Variants in ARMC9 observed in about 807,000 individuals in gnomAD.
The protein encoded by ARMC9 is armadillo repeat containing 9, also known as lisH domain-containing protein ARMC9.
Under a neutral mutation model 107.0 loss-of-function variants are expected in ARMC9, and 94 were observed. The ratio of observed to expected loss-of-function variants is 0.88; its 90% confidence interval spans 0.74 to 1.04. ARMC9 has a LOEUF of 1.04. ARMC9 is among the 50% of genes least tolerant of loss of function. ARMC9 has a pLI of 0.00. For synonymous variants in ARMC9, 380 were observed against 396.9 expected (o/e 0.96, Z 0.51); for missense variants, 942 against 1,030.1 (o/e 0.91, Z 1.17).
intron 1 of ARMC9, among the ~76,000 whole-genome samples, chr2:231,203,433 C>T (rs575910831): frequency 5.9e-5 from 9 of 152,312 alleles, no homozygotes; most frequent in Middle Eastern, 3.4e-3. Context: ...CATGGCCCCT[C>T]TTGCTTATCC....
chr2:231,236,188 G>A (rs1190226053), intron 8 of ARMC9, among the ~76,000 whole-genome samples: 1 of 152,186 alleles, frequency 6.6e-6, no homozygotes. Context: ...ATATAGGGAA[G>A]CCACTGATTT....
chr2:231,351,195 C>T (rs1323025137), intron 21 of ARMC9, among the ~76,000 whole-genome samples: 3 of 148,976 alleles, frequency 2.0e-5, no homozygotes, highest in Non-Finnish European at 3.0e-5. Context: ...CCTCGTGATC[C>T]GCCTGTCTCG....
At chr2:231,200,243 C>G (rs553105803) in intron 1 of ARMC9, among the ~76,000 whole-genome samples, 2 of 152,122 alleles carry the variant, frequency 1.3e-5, no homozygotes, top group African/African-American at 2.4e-5. Flanking sequence ...TCACTTTTCC[C>G]GTTCCAGGGC....
At position 231,296,182 on chromosome 2, in the gene ARMC9, C is replaced by G. The variant is rs1322623414; in HGVS notation, c.1718-16C>G. On this transcript the variant is annotated splice_polypyrimidine_tract_variant and intron_variant, in intron 18 of 24. Transcript: ENST00000611582. The stretch of plus-strand genomic sequence containing the variant: ...ACTGTTTATCCATTATTCATTGATT[C>G]TTTTTTTCTTTATAGAAGAGCTACC... 1.2e-6 allele frequency: 2 copies of G among 1,602,926 alleles called. No individual in the cohort carries two copies. The highest frequency in any genetic ancestry group is 2.2e-5 in the East Asian group (1 of 44,774).
intron 21 of ARMC9, among the ~76,000 whole-genome samples, chr2:231,345,800 G>A (rs190628590): frequency 2.2e-4 from 34 of 152,324 alleles, no homozygotes; most frequent in Middle Eastern, 3.4e-3. Flanking sequence ...TAATGGCCGT[G>A]TAATTTTTAA....
rs1418642783 is a variant in ARMC9 at position 231,225,492 on chromosome 2, AC to A, written c.598-1281del. Among the ~76,000 whole-genome samples the A allele has an allele frequency of 3.3e-5, 5 of 152,382 alleles. No individual in the cohort carries two copies. In the East Asian group the frequency reaches 9.6e-4, roughly 29 times the overall value. ...TATCATCTTATGAATGGATAAACAA[AC>A]TGTGGTGTTATCCAAATGATGGAAT... On this transcript the variant is annotated intron_variant, in intron 6 of 24. Transcript: ENST00000611582.
At chr2:231,262,675 A>G (rs1350712069) in intron 12 of ARMC9, among the ~76,000 whole-genome samples, 3 of 152,136 alleles carry the variant, frequency 2.0e-5, no homozygotes, top group African/African-American at 4.8e-5. Context: ...ACTGCTTACC[A>G]TGAGTCCTGA....
intron 19 of ARMC9, among the ~76,000 whole-genome samples, chr2:231,302,954 A>G (rs1430989496): frequency 1.3e-5 from 2 of 152,220 alleles, no homozygotes; most frequent in South Asian, 2.1e-4. Context: ...CAGTGAGCCA[A>G]GATCACACCA....
intron 24 of ARMC9, 137 bp downstream of exon 24, chr2:231,370,262 C>A: frequency 9.9e-7 from 1 of 1,011,158 alleles, no homozygotes; most frequent in Non-Finnish European, 1.3e-6. Context: ...GCCTGCTTCC[C>A]TTCCCCACAC....
intron 15 of ARMC9, among the ~76,000 whole-genome samples, 186 bp downstream of exon 15, chr2:231,276,961 T>TG (rs1275936369): frequency 6.6e-6 from 1 of 152,230 alleles, no homozygotes; most frequent in East Asian, 1.9e-4. Flanking sequence ...AATCCATTCT[T>TG]GCCCTGGAAA....
intron 5 of ARMC9, among the ~76,000 whole-genome samples, chr2:231,218,548 C>T (rs2033777058): frequency 6.6e-6 from 1 of 152,034 alleles, no homozygotes; most frequent in South Asian, 2.1e-4. Flanking sequence ...GGGGATGGGG[C>T]CTAGCAGAGG....
intron 9 of ARMC9, among the ~76,000 whole-genome samples, chr2:231,247,406 C>T (rs1264605359): frequency 6.6e-6 from 1 of 152,216 alleles, no homozygotes; most frequent in Non-Finnish European, 1.5e-5. Flanking sequence ...TGGCTTGTGG[C>T]TCTGGCTTGA....
At chr2:231,254,068 C>T (rs566004465) in intron 9 of ARMC9, among the ~76,000 whole-genome samples, 14 of 151,940 alleles carry the variant, frequency 9.2e-5, no homozygotes, top group African/African-American at 3.4e-4. Flanking sequence ...AGCTGGCTCT[C>T]GGGGAACAAC....
At chr2:231,361,726 C>A (rs1217130129) in intron 23 of ARMC9, among the ~76,000 whole-genome samples, 4 of 152,178 alleles carry the variant, frequency 2.6e-5, no homozygotes, top group Admixed American at 2.0e-4. Context: ...ACCACTTCCT[C>A]CTGGCCATGA....
chr2:231,233,868 C>T (rs1445338401), intron 7 of ARMC9, among the ~76,000 whole-genome samples: 1 of 152,104 alleles, frequency 6.6e-6, no homozygotes, highest in East Asian at 1.9e-4. Context: ...ATAGCCACCA[C>T]TATATAACCT....
intron 11 of ARMC9, 63 bp downstream of exon 11, chr2:231,259,165 C>A: frequency 7.3e-7 from 1 of 1,376,636 alleles, no homozygotes; most frequent in South Asian, 1.2e-5. Flanking sequence ...TCTTGGCTGG[C>A]TACCTTGCTT....
At chr2:231,221,841 A>AAAG (rs886547311) in intron 5 of ARMC9, among the ~76,000 whole-genome samples, 1 of 150,986 alleles carries the variant, frequency 6.6e-6, no homozygotes, top group Non-Finnish European at 1.5e-5. Flanking sequence ...AAAAAAAAAA[A>AAAG]AAAAAAAGAA....
Position 231,315,694 on chromosome 2 carries a change from A to G in ARMC9, c.1774-16099A>G, listed in dbSNP as rs551078736. Among the ~76,000 whole-genome samples the G allele has an allele frequency of 2.6e-4, 39 of 151,756 alleles. 1 individual carries two copies. The highest frequency in any genetic ancestry group is 9.0e-4 in the African/African-American group (37 of 41,196). On this transcript the variant is annotated intron_variant, in intron 19 of 24. Transcript: ENST00000611582. ...TAGGTTTCAAAACACGAGTTCTTCA[A>G]CTTTGTTTTCTTTTTCAAAATTGTT...
At chr2:231,210,152 C>A (rs1221366198) in intron 3 of ARMC9, among the ~76,000 whole-genome samples, 1 of 152,196 alleles carries the variant, frequency 6.6e-6, no homozygotes, top group Non-Finnish European at 1.5e-5. Context: ...GAGAGAGGGG[C>A]ACTTTTGAAG....
Sources: allele counts gnomAD v4.1 joint callset (sites outside exome capture counted in the v4.1 genomes callset), GRCh38; gene constraint gnomAD v4.1.1; transcripts MANE v1.5; gene names NCBI Gene and HGNC (gene_info 2026-07-23, HGNC 2026-07-21).